Variants in USH2A observed in about 807,000 individuals in gnomAD.
USH2A encodes Usher syndrome 2A (autosomal recessive, mild).
USH2A carries 443 observed loss-of-function variants against 538.9 expected under a neutral mutation model. The observed-to-expected ratio is 0.82, with a 90% CI of 0.76 to 0.89. The LOEUF (loss-of-function observed/expected upper bound fraction) is 0.89, where lower values mean the gene tolerates loss of function less well. Ranked by LOEUF, USH2A falls within the 40% of genes least tolerant of loss-of-function variation. The probability of loss-of-function intolerance (pLI) is 0.00; values close to 1 mark genes in which losing one functional copy is unlikely to be tolerated. For missense variants in USH2A, 6,633 were observed against 6,324.8 expected (o/e 1.05, Z -1.65); for synonymous variants, 2,413 against 2,273.5 (o/e 1.06, Z -1.75).
At chr1:216,008,762 C>T (rs1268795118) in intron 32 of USH2A, among the ~76,000 whole-genome samples, 2 of 152,178 alleles carry the variant, frequency 1.3e-5, no homozygotes, top group African/African-American at 4.8e-5. Context: ...ACCACTTTCT[C>T]CTTTCCACTC....
intron 38 of USH2A, among the ~76,000 whole-genome samples, chr1:215,918,633 G>A (rs1666021091): frequency 6.6e-6 from 1 of 152,046 alleles, no homozygotes; most frequent in Non-Finnish European, 1.5e-5. Flanking sequence ...ACCTCAACAT[G>A]CCATTAATTT....
chr1:215,828,587 G>A (rs1663222061), intron 47 of USH2A, among the ~76,000 whole-genome samples: 1 of 152,176 alleles, frequency 6.6e-6, no homozygotes, highest in South Asian at 2.1e-4. Flanking sequence ...ATCTCATTCA[G>A]CATCTAGAAG....
rs769582796 is a variant in USH2A, at chr1:215,628,867, C to CT, written c.15465dup (p.Val5156SerfsTer22). On this transcript the variant is annotated frameshift_variant, in exon 71 of 72. Transcript: ENST00000307340. LOFTEE classifies it high-confidence loss of function. Reference sequence around the variant, plus strand: ...TCCCACAGTGAGTTGTCCATCAAGACTTTCTTGTCTTGAATGTCCATGAGC... The same window carrying CT: ...TCCCACAGTGAGTTGTCCATCAAGACTTTTCTTGTCTTGAATGTCCATGAGC... 21 of 1,614,054 alleles carry CT rather than the reference C, an allele frequency of 1.3e-5. No individual in the cohort carries two copies. Among genetic ancestry groups the CT allele is most frequent in the Non-Finnish European group, 1.5e-5 (18 of 1,180,048 alleles).
chr1:216,050,567 T>TCC (rs2030721898), intron 30 of USH2A, among the ~76,000 whole-genome samples: 1 of 29,816 alleles, frequency 3.4e-5, no homozygotes, highest in African/African-American at 9.7e-5. Flanking sequence ...TCTTTTTCTT[T>TCC]CTTTCTTTCT....
chr1:216,171,132 T>C (rs937940695), intron 21 of USH2A, among the ~76,000 whole-genome samples: 1 of 152,128 alleles, frequency 6.6e-6, no homozygotes, highest in Non-Finnish European at 1.5e-5. Context: ...TTTGTATCAA[T>C]CTTAAATTGT....
At chr1:215,893,942 A>T (rs548499839) in intron 40 of USH2A, among the ~76,000 whole-genome samples, 2 of 152,316 alleles carry the variant, frequency 1.3e-5, no homozygotes, top group South Asian at 4.1e-4. Context: ...CTGAAAATTC[A>T]GGAATTTGTG....
chr1:216,198,567 C>T lies in USH2A; in HGVS notation c.3829G>A (p.Glu1277Lys). Residue 1277 changes from glutamate to lysine, a missense_variant, in exon 18 of 72, where the codon GAA (glutamate) becomes AAA (lysine). Glu to Lys is a moderately conservative substitution (Grantham distance 56). Transcript: ENST00000307340. The stretch of plus-strand genomic sequence containing the variant: ...GATCTCAGTCTTCTCATGTATAGTT[C>T]ATATCTTATAATTATTCCTAGAGAA... ...AELNGIIIRYELYMRRLRSTK... is the reference protein window; with the variant it reads ...AELNGIIIRYKLYMRRLRSTK... 6.2e-7 allele frequency: 1 copy of T among 1,613,144 alleles called. No homozygotes were observed. The highest frequency in any genetic ancestry group is 8.5e-7 in the Non-Finnish European group (1 of 1,179,728).
chr1:216,293,021 CTTT>C (rs1198460233), intron 9 of USH2A, among the ~76,000 whole-genome samples: 9 of 126,290 alleles, frequency 7.1e-5, no homozygotes, highest in African/African-American at 2.1e-4. Context: ...ACACAAGCAT[CTTT>C]TTTTTTTTTT....
At chr1:215,668,773 G>A (rs1657711238) in intron 64 of USH2A, among the ~76,000 whole-genome samples, 1 of 152,218 alleles carries the variant, frequency 6.6e-6, no homozygotes, top group Non-Finnish European at 1.5e-5. Context: ...GCTCATGCCT[G>A]TAATCCCAGC....
chr1:215,866,634 A>G (rs1313353367), intron 44 of USH2A, among the ~76,000 whole-genome samples: 1 of 152,232 alleles, frequency 6.6e-6, no homozygotes, highest in African/African-American at 2.4e-5. Flanking sequence ...ATTGTATCCA[A>G]TTAATACATG....
intron 16 of USH2A, among the ~76,000 whole-genome samples, chr1:216,202,514 T>C (rs1258400542): frequency 6.6e-6 from 1 of 152,202 alleles, no homozygotes; most frequent in Non-Finnish European, 1.5e-5. Flanking sequence ...TATCTCAAGG[T>C]AGTTGCTCTC....
At chr1:216,082,324 C>T (rs1017181035) in intron 26 of USH2A, among the ~76,000 whole-genome samples, 15 of 152,034 alleles carry the variant, frequency 9.9e-5, no homozygotes, top group Non-Finnish European at 1.8e-4. Flanking sequence ...ATAGACATTA[C>T]GTTTCAGAGA....
intron 49 of USH2A, among the ~76,000 whole-genome samples, chr1:215,811,171 G>T (rs547330038): frequency 1.3e-5 from 2 of 152,176 alleles, no homozygotes; most frequent in African/African-American, 4.8e-5. Context: ...ACTATGAGAG[G>T]TGTTTAGTTT....
chr1:216,145,566 T>C (rs2033679602), intron 21 of USH2A, among the ~76,000 whole-genome samples: 1 of 152,166 alleles, frequency 6.6e-6, no homozygotes, highest in African/African-American at 2.4e-5. Context: ...TTCAGAGTAG[T>C]CAAACAGCCA....
intron 35 of USH2A, among the ~76,000 whole-genome samples, chr1:215,982,027 G>A (rs1004661790): frequency 1.3e-5 from 2 of 152,194 alleles, no homozygotes; most frequent in Non-Finnish European, 2.9e-5. Flanking sequence ...CAACAAATTA[G>A]TTCTTGAGTG....
chr1:215,880,831 C>T (rs1319496359), intron 41 of USH2A, among the ~76,000 whole-genome samples: 1 of 152,166 alleles, frequency 6.6e-6, no homozygotes, highest in African/African-American at 2.4e-5. Context: ...TAGTCCTTGC[C>T]CATGCCTATG....
At chr1:215,729,548 G>A (rs1352581412) in intron 60 of USH2A, among the ~76,000 whole-genome samples, 1 of 152,198 alleles carries the variant, frequency 6.6e-6, no homozygotes, top group East Asian at 1.9e-4. Context: ...ATAGGTAGCT[G>A]AGTAGAGAAG....
chr1:215,733,203 G>T (rs1393845423), intron 60 of USH2A, among the ~76,000 whole-genome samples: 1 of 138,138 alleles, frequency 7.2e-6, no homozygotes, highest in Non-Finnish European at 1.5e-5. Flanking sequence ...GTGGCGGGGG[G>T]GCGGGGGGCG....
chr1:215,967,221 T>C (rs1360536173), intron 36 of USH2A, among the ~76,000 whole-genome samples: 1 of 152,186 alleles, frequency 6.6e-6, no homozygotes, highest in Non-Finnish European at 1.5e-5. Context: ...AAGGCTGGAG[T>C]GCAGTGGCAC....
Sources: allele counts gnomAD v4.1 joint callset (sites outside exome capture counted in the v4.1 genomes callset), GRCh38; gene constraint gnomAD v4.1.1; transcripts MANE v1.5; gene names NCBI Gene and HGNC (gene_info 2026-07-23, HGNC 2026-07-21).